The following RANBP2 variants were observed in gnomAD, a reference collection of about 807,000 sequenced individuals.
RANBP2 encodes the protein RAN binding protein 2, also known as E3 SUMO-protein ligase RanBP2.
RANBP2 carries 57 observed loss-of-function variants against 303.6 expected under a neutral mutation model. That is an observed-to-expected ratio of 0.19 (90% CI 0.15 to 0.23). The LOEUF is 0.23. Among genes scored for constraint, RANBP2 ranks in the 10% least tolerant of loss-of-function variants. The probability of loss-of-function intolerance (pLI) is 1.00; values close to 1 mark genes in which losing one functional copy is unlikely to be tolerated. For missense variants in RANBP2, 3,138 were observed against 3,780.8 expected (o/e 0.83, Z 4.46); for synonymous variants, 1,167 against 1,301.5 (o/e 0.90, Z 2.23).
the RANBP2 span, among the ~76,000 whole-genome samples, chr2:109,157,803 A>G: frequency 1.9e-3 from 296 of 152,290 alleles, 2 homozygotes; most frequent in African/African-American, 6.9e-3. Flanking sequence ...GGACACCTTT[A>G]TCAGGATTGA....
At chr2:108,723,423 C>T (rs1213645029) in intron 1 of RANBP2, among the ~76,000 whole-genome samples, 3 of 151,960 alleles carry the variant, frequency 2.0e-5, no homozygotes, top group African/African-American at 7.2e-5. Context: ...TACAGGCACC[C>T]GCCACCACAC....
the RANBP2 span, chr2:109,436,894 G>A: frequency 2.4e-5 from 38 of 1,612,836 alleles, no homozygotes; most frequent in Admixed American, 6.3e-4. Context: ...TCTCCACAGG[G>A]TGCCTGCAGG....
At chr2:109,082,938 G>A in the RANBP2 span, among the ~76,000 whole-genome samples, 2 of 150,070 alleles carry the variant, frequency 1.3e-5, no homozygotes, top group African/African-American at 2.5e-5. Flanking sequence ...CCATTCTCCT[G>A]CCTCAGCCTC....
the RANBP2 span, among the ~76,000 whole-genome samples, chr2:109,547,000 C>T: frequency 1.3e-5 from 2 of 152,170 alleles, no homozygotes; most frequent in Non-Finnish European, 2.9e-5. Flanking sequence ...TCTCTGACCT[C>T]CCTTTAGGCG....
chr2:109,176,090 C>T, the RANBP2 span, among the ~76,000 whole-genome samples: 1 of 152,176 alleles, frequency 6.6e-6, no homozygotes, highest in Non-Finnish European at 1.5e-5. Flanking sequence ...CACTGGAAAG[C>T]CTCATTCTGT....
chr2:109,080,486 G>T, the RANBP2 span, among the ~76,000 whole-genome samples: 1 of 152,178 alleles, frequency 6.6e-6, no homozygotes, highest in Admixed American at 6.5e-5. Flanking sequence ...TGGAGAGTGG[G>T]AACCAGGTTG....
the RANBP2 span, among the ~76,000 whole-genome samples, chr2:109,109,244 G>A: frequency 6.6e-6 from 1 of 152,216 alleles, no homozygotes; most frequent in African/African-American, 2.4e-5. Context: ...GCACCTTTCC[G>A]AGGAAGTTCA....
At chr2:109,719,034 A>AAAAAC in the RANBP2 span, among the ~76,000 whole-genome samples, 1 of 150,770 alleles carries the variant, frequency 6.6e-6, no homozygotes, top group South Asian at 2.1e-4. Context: ...AAAAAGAAAC[A>AAAAAC]AAAACAAAAA....
At chr2:109,121,884 TCTC>T in the RANBP2 span, among the ~76,000 whole-genome samples, 18 of 152,238 alleles carry the variant, frequency 1.2e-4, no homozygotes, top group Middle Eastern at 3.4e-3. Flanking sequence ...AAATAAAACT[TCTC>T]CTCCTGCTAC....
the RANBP2 span, among the ~76,000 whole-genome samples, chr2:108,898,045 C>T: frequency 1.3e-5 from 2 of 152,280 alleles, no homozygotes; most frequent in Admixed American, 1.3e-4. Flanking sequence ...ACAGCCCCAA[C>T]AAAAGTCTTC....
At chr2:109,317,739 C>T in the RANBP2 span, among the ~76,000 whole-genome samples, 1 of 152,170 alleles carries the variant, frequency 6.6e-6, no homozygotes, top group Non-Finnish European at 1.5e-5. Flanking sequence ...GCGAGGGTGC[C>T]TCCCTGTGAA....
the RANBP2 span, chr2:108,873,359 A>G: frequency 1.8e-6 from 2 of 1,121,432 alleles, no homozygotes; most frequent in Non-Finnish European, 2.4e-6. Flanking sequence ...ATGAATATTT[A>G]TAAATGCCTC....
At chr2:109,582,123 C>A in the RANBP2 span, among the ~76,000 whole-genome samples, 1 of 151,432 alleles carries the variant, frequency 6.6e-6, no homozygotes, top group Non-Finnish European at 1.5e-5. Flanking sequence ...CTCACTCTCA[C>A]GCAAAAACCT....
At chr2:109,540,850 G>A in the RANBP2 span, among the ~76,000 whole-genome samples, 1 of 149,528 alleles carries the variant, frequency 6.7e-6, no homozygotes, top group Non-Finnish European at 1.5e-5. Context: ...TTTGCATGAT[G>A]TACCTTTTCC....
the RANBP2 span, among the ~76,000 whole-genome samples, chr2:109,264,299 A>T: frequency 2.1e-5 from 3 of 142,788 alleles, no homozygotes; most frequent in African/African-American, 8.1e-5. Flanking sequence ...CCTCCACAGG[A>T]TCCACCCCAA....
Position 108,746,775 on chromosome 2 carries a change from C to T in RANBP2, c.1040C>T (p.Ala347Val). The change falls in exon 8 of 29, where the codon GCC becomes GTC. Residue 347 changes from alanine (A) to valine (V), a missense_variant. Transcript: ENST00000283195. ...EAGQNLLEMM[A>V]CDRLSQSGHM... ...GGACAAAATCTGCTGGAAATGATGGCCTGTGACCGACTGAGCCAATCAGGT... is the reference window on the plus strand; with the variant it reads ...GGACAAAATCTGCTGGAAATGATGGTCTGTGACCGACTGAGCCAATCAGGT... The T allele has an allele frequency of 7.0e-7, 1 of 1,419,510 alleles. No individual in the cohort carries two copies. The highest frequency in any genetic ancestry group is 9.5e-7 in the Non-Finnish European group (1 of 1,052,760). 87.9% of individuals were successfully genotyped at this position (1,419,510 alleles called of 1,614,324 possible).
chr2:108,866,329 T>G, the RANBP2 span, among the ~76,000 whole-genome samples: 112 of 152,346 alleles, frequency 7.4e-4, 2 homozygotes, highest in African/African-American at 2.5e-3. Context: ...ATCTCTAATT[T>G]AATCACATCT....
the RANBP2 span, among the ~76,000 whole-genome samples, chr2:109,499,301 G>A: frequency 6.6e-6 from 1 of 152,176 alleles, no homozygotes; most frequent in Admixed American, 6.5e-5. Context: ...GGCCCATCTC[G>A]GTGCTGCTCA....
chr2:109,304,463 G>T, the RANBP2 span, among the ~76,000 whole-genome samples: 4 of 151,958 alleles, frequency 2.6e-5, no homozygotes, highest in Admixed American at 1.3e-4. Context: ...GTCTGCTAGG[G>T]GTTCCTTGTT....
Sources: allele counts gnomAD v4.1 joint callset (sites outside exome capture counted in the v4.1 genomes callset), GRCh38; gene constraint gnomAD v4.1.1; transcripts MANE v1.5; gene names NCBI Gene and HGNC (gene_info 2026-07-23, HGNC 2026-07-21).